Variants in TBX5 observed in about 807,000 individuals in gnomAD.
TBX5 encodes the protein T-box transcription factor 5.
A neutral mutation model predicts 51.1 loss-of-function variants in TBX5; 8 were observed. The observed-to-expected ratio is 0.16, with a 90% CI of 0.09 to 0.28. TBX5 has a LOEUF of 0.28. TBX5 is among the 10% of genes least tolerant of loss of function. The pLI, the probability that TBX5 is intolerant of heterozygous loss-of-function variation, is 1.00. For missense variants in TBX5, 589 were observed against 671.7 expected (o/e 0.88, Z 1.36); for synonymous variants, 302 against 266.4 (o/e 1.13, Z -1.30).
chr12:114,372,468 C>G (rs1001716755), intron 7 of TBX5, among the ~76,000 whole-genome samples: 3 of 143,964 alleles, frequency 2.1e-5, no homozygotes, highest in African/African-American at 8.1e-5. Context: ...CCACACCCAG[C>G]CAATAGTTGT....
intron 8 of TBX5, among the ~76,000 whole-genome samples, chr12:114,362,414 C>T (rs1165316779): frequency 2.0e-5 from 3 of 152,136 alleles, no homozygotes; most frequent in African/African-American, 7.2e-5. Flanking sequence ...TTTGCCCTTG[C>T]CTTGAGTGCC....
At chr12:114,365,635 C>G (rs1336940673) in intron 8 of TBX5, among the ~76,000 whole-genome samples, 2 of 151,912 alleles carry the variant, frequency 1.3e-5, no homozygotes, top group Non-Finnish European at 2.9e-5. Context: ...TTTAGACAAG[C>G]CTGGGCAACA....
intron 7 of TBX5, among the ~76,000 whole-genome samples, chr12:114,380,921 AT>A (rs149478282): frequency 0.027 from 4,103 of 152,018 alleles, 121 homozygotes; most frequent in East Asian, 0.15. Flanking sequence ...TTAGGATTAG[AT>A]TTTTTTTAAG....
intron 6 of TBX5, among the ~76,000 whole-genome samples, chr12:114,392,422 A>T (rs550373188): frequency 6.6e-6 from 1 of 152,206 alleles, no homozygotes; most frequent in Non-Finnish European, 1.5e-5. Flanking sequence ...TTATGCCTCA[A>T]TAAGGCTGTC....
At chr12:114,357,297 G>T (rs142602791) in intron 8 of TBX5, among the ~76,000 whole-genome samples, 1 of 152,244 alleles carries the variant, frequency 6.6e-6, no homozygotes, top group East Asian at 1.9e-4. Context: ...ACAAGAAAAA[G>T]TGCTGGGCTC....
chr12:114,405,002 T>C (rs1381195714), intron 1 of TBX5, among the ~76,000 whole-genome samples: 4 of 152,168 alleles, frequency 2.6e-5, no homozygotes, highest in Non-Finnish European at 5.9e-5. Flanking sequence ...TGTCTCCTGC[T>C]CTCTGATCTC....
upstream of TBX5, among the ~76,000 whole-genome samples, chr12:114,406,860 T>TC (rs1428257733): frequency 3.9e-5 from 6 of 151,980 alleles, no homozygotes; most frequent in Non-Finnish European, 7.4e-5. Flanking sequence ...ATTTTTTTTT[T>TC]TTAGGGTGAG....
intron 7 of TBX5, among the ~76,000 whole-genome samples, chr12:114,367,987 C>A (rs537859929): frequency 6.6e-6 from 1 of 152,186 alleles, no homozygotes; most frequent in Non-Finnish European, 1.5e-5. Context: ...AGTTTAAGAA[C>A]CCCTATCCTA....
chr12:114,364,955 G>A (rs1946293), intron 8 of TBX5, among the ~76,000 whole-genome samples: 100,110 of 151,748 alleles, frequency 0.66, 33,711 homozygotes, highest in Non-Finnish European at 0.74. Context: ...TGGTTCTATC[G>A]AGCTGAACTC....
intron 5 of TBX5, among the ~76,000 whole-genome samples, chr12:114,397,907 A>T (rs1871527137): frequency 6.6e-6 from 1 of 152,246 alleles, no homozygotes; most frequent in African/African-American, 2.4e-5. Flanking sequence ...CCCCTGGAAC[A>T]TCCCAAAATT....
intron 2 of TBX5, 23 bp downstream of exon 2, chr12:114,403,729 C>A: frequency 6.2e-7 from 1 of 1,611,196 alleles, no homozygotes; most frequent in Non-Finnish European, 8.5e-7. Context: ...TGCAAAGGGA[C>A]CCGAAGCGCG....
chr12:114,400,720 C>T (rs957576790), intron 3 of TBX5, among the ~76,000 whole-genome samples: 5 of 152,228 alleles, frequency 3.3e-5, no homozygotes, highest in African/African-American at 1.2e-4. Context: ...GGGACTCGGA[C>T]GTGTCTTTCC....
chr12:114,393,447 G>A (rs1235850845), intron 6 of TBX5, among the ~76,000 whole-genome samples: 4 of 152,104 alleles, frequency 2.6e-5, no homozygotes, highest in South Asian at 4.2e-4. Context: ...CCTATTGCTC[G>A]CCTCTCCAGA....
At chr12:114,381,601 C>G (rs1482008258) in intron 7 of TBX5, among the ~76,000 whole-genome samples, 2 of 152,058 alleles carry the variant, frequency 1.3e-5, no homozygotes, top group Admixed American at 6.6e-5. Context: ...TTACAGGAAC[C>G]CTAGAAAGTA....
intron 7 of TBX5, among the ~76,000 whole-genome samples, chr12:114,366,914 T>C (rs560863209): frequency 6.6e-6 from 1 of 152,218 alleles, no homozygotes; most frequent in Non-Finnish European, 1.5e-5. Flanking sequence ...TTGCTGCTAG[T>C]GTCAGAATTT....
chr12:114,395,920 G>A (rs1041559821), intron 5 of TBX5, among the ~76,000 whole-genome samples: 16 of 152,258 alleles, frequency 1.1e-4, no homozygotes, highest in Admixed American at 3.9e-4. Context: ...AACTGGGTTT[G>A]TTGTTCTGAT....
chr12:114,367,843 T>C (rs7304774), intron 7 of TBX5, among the ~76,000 whole-genome samples: 50,427 of 152,034 alleles, frequency 0.33, 9,726 homozygotes, highest in African/African-American at 0.53. Flanking sequence ...TAAAACATAT[T>C]TTGGTAACTA....
At chr12:114,399,745 A>G in intron 3 of TBX5, 113 bp from the exon 4 acceptor site, 1 of 1,538,012 alleles carries the variant, frequency 6.5e-7, no homozygotes, top group Non-Finnish European at 8.9e-7. Flanking sequence ...GTGGAAGCGG[A>G]AACTAGCCCC....
chr12:114,375,776 C>T (rs923461677), intron 7 of TBX5, among the ~76,000 whole-genome samples: 1 of 152,050 alleles, frequency 6.6e-6, no homozygotes, highest in African/African-American at 2.4e-5. Flanking sequence ...GGTGCAGTGG[C>T]CCACGTTCTG....
Sources: gnomAD v4.1 joint callset for allele counts (sites outside exome capture counted in the v4.1 genomes callset) on GRCh38, gnomAD v4.1.1 for gene constraint, MANE v1.5 for transcripts, NCBI Gene and HGNC (gene_info 2026-07-23, HGNC 2026-07-21) for gene names.